Variants in CEP95 observed in about 807,000 individuals in gnomAD.
CEP95 encodes the protein centrosomal protein of 95 kDa.
CEP95 carries 98 observed loss-of-function variants against 111.2 expected under a neutral mutation model. The observed-to-expected ratio is 0.88, with a 90% CI of 0.75 to 1.04. The LOEUF (loss-of-function observed/expected upper bound fraction) is 1.04, where lower values mean the gene tolerates loss of function less well. Ranked by LOEUF, CEP95 falls within the 50% of genes least tolerant of loss-of-function variation. CEP95 has a pLI of 0.00. For synonymous variants in CEP95, 323 were observed against 327.1 expected, an observed-to-expected ratio of 0.99 and a Z score of 0.14; for missense variants, 1,027 against 977.2, an observed-to-expected ratio of 1.05 and a Z score of -0.68.
intron 8 of CEP95, 135 bp from the exon 9 acceptor site, chr17:64,525,635 T>G (rs1967752300): frequency 1.7e-6 from 1 of 575,554 alleles, no homozygotes; most frequent in East Asian, 3.2e-5. Flanking sequence ...TAGGGTCTTT[T>G]GACAAATGCA....
At chr17:64,517,048 CT>C (rs1202629097) in intron 5 of CEP95, among the ~76,000 whole-genome samples, 1 of 151,160 alleles carries the variant, frequency 6.6e-6, no homozygotes, top group African/African-American at 2.4e-5. Flanking sequence ...TTATATTTTT[CT>C]TTTTTTTTCT....
At chr17:64,523,281 T>C (rs1454431117) in intron 8 of CEP95, among the ~76,000 whole-genome samples, 1 of 152,164 alleles carries the variant, frequency 6.6e-6, no homozygotes, top group Non-Finnish European at 1.5e-5. Flanking sequence ...GTAGCTACTA[T>C]ATTTATTTAT....
rs1568134230 is a variant in CEP95 at position 64,519,385 on chromosome 17, G to A, written c.538G>A (p.Glu180Lys). 1.9e-6 allele frequency: 3 copies of A among 1,613,852 alleles called. No homozygotes were observed. The highest frequency in any genetic ancestry group is 1.6e-4 in the Middle Eastern group (1 of 6,062). Residue 180 changes from glutamate to lysine, a missense_variant, in exon 6 of 20, where the codon GAA becomes AAA. By Grantham distance (56) the Glu-to-Lys change is moderately conservative. Transcript: ENST00000556440. ...TGGAGATGAAGCAGAATCCACTGGT[G>A]AAATCATTAGACTTGGAGACACAGC... is the stretch of plus-strand genomic sequence containing the variant. ...WDGDEAESTG[E>K]IIRLGDTAHT... is the part of the protein sequence containing the mutation.
intron 5 of CEP95, among the ~76,000 whole-genome samples, chr17:64,518,184 G>A (rs564245187): frequency 1.3e-5 from 2 of 152,266 alleles, no homozygotes; most frequent in African/African-American, 2.4e-5. Context: ...GCCTCAAGTT[G>A]TTAAATTCTT....
intron 5 of CEP95, among the ~76,000 whole-genome samples, chr17:64,517,690 ATTTTTTTTT>A (rs782455302): frequency 4.0e-5 from 5 of 124,514 alleles, no homozygotes; most frequent in South Asian, 2.5e-4. Context: ...CACCTGGCTA[ATTTTTTTTT>A]TTTTTTTTTT....
At chr17:64,532,814 A>C in intron 14 of CEP95, 25 bp from the exon 15 acceptor site, 1 of 1,599,488 alleles carries the variant, frequency 6.3e-7, no homozygotes, top group Non-Finnish European at 8.5e-7. Context: ...GTCTCAGATT[A>C]AGAACATCTT....
intron 1 of CEP95, chr17:64,508,153 T>C: frequency 1.0e-6 from 1 of 985,456 alleles, no homozygotes. Context: ...GATAATTGGG[T>C]AAACACAAGA....
At chr17:64,524,508 G>GT (rs1339798611) in intron 8 of CEP95, among the ~76,000 whole-genome samples, 1 of 151,862 alleles carries the variant, frequency 6.6e-6, no homozygotes, top group Non-Finnish European at 1.5e-5. Context: ...TAGAGACGGG[G>GT]TTTTGCCATG....
At chr17:64,513,167 C>T (rs919216689) in intron 3 of CEP95, among the ~76,000 whole-genome samples, 1 of 152,176 alleles carries the variant, frequency 6.6e-6, no homozygotes, top group Non-Finnish European at 1.5e-5. Context: ...AAAACTCAAA[C>T]GTTGTCGTTA....
At chr17:64,536,850 G>A (rs2144558596) in intron 18 of CEP95, 102 bp downstream of exon 18, 3 of 1,382,514 alleles carry the variant, frequency 2.2e-6, no homozygotes, top group East Asian at 2.3e-5. Context: ...TGTGTTAACT[G>A]AAGTTTGCAC....
At chr17:64,522,663 G>C (rs1555678138) in intron 7 of CEP95, 39 bp from the exon 8 acceptor site, 1 of 1,468,806 alleles carries the variant, frequency 6.8e-7, no homozygotes, top group Non-Finnish European at 9.4e-7. Flanking sequence ...TTATTTCTTA[G>C]AATTGCATCG....
At chr17:64,509,750 T>G (rs545642387) in intron 2 of CEP95, among the ~76,000 whole-genome samples, 1 of 152,184 alleles carries the variant, frequency 6.6e-6, no homozygotes, top group African/African-American at 2.4e-5. Context: ...CTGCTGTGTT[T>G]TTTTTTTCTT....
intron 5 of CEP95, among the ~76,000 whole-genome samples, chr17:64,518,603 G>A (rs564105014): frequency 2.6e-5 from 4 of 152,240 alleles, no homozygotes; most frequent in East Asian, 1.9e-4. Flanking sequence ...TTCATGGTTC[G>A]AAGAGCACAG....
At chr17:64,509,040 C>A (rs8071264) in intron 2 of CEP95, among the ~76,000 whole-genome samples, 30,511 of 152,050 alleles carry the variant, frequency 0.2, 6,599 homozygotes, top group African/African-American at 0.54. Flanking sequence ...ATCATGGCTA[C>A]TGCCTTGTGA....
intron 8 of CEP95, among the ~76,000 whole-genome samples, chr17:64,524,755 G>A (rs1212476989): frequency 6.6e-6 from 1 of 150,656 alleles, no homozygotes; most frequent in Admixed American, 6.6e-5. Flanking sequence ...GGTGGATCAC[G>A]AGGTCAGGAG....
chr17:64,519,757 C>T (rs1967169721), intron 6 of CEP95, among the ~76,000 whole-genome samples: 1 of 152,180 alleles, frequency 6.6e-6, no homozygotes, highest in African/African-American at 2.4e-5. Flanking sequence ...GTTTCCTGAA[C>T]TGGTGGTTGA....
chr17:64,519,955 C>T (rs1312328078), intron 6 of CEP95, among the ~76,000 whole-genome samples: 3 of 152,204 alleles, frequency 2.0e-5, no homozygotes, highest in South Asian at 4.1e-4. Flanking sequence ...TCCACCGTGG[C>T]TTCATAAATT....
At chr17:64,530,883 G>A (rs782025783) in intron 12 of CEP95, 43 bp from the exon 13 acceptor site, 13 of 1,174,142 alleles carry the variant, frequency 1.1e-5, no homozygotes, top group Admixed American at 4.6e-5. Context: ...TGCCCGTTGT[G>A]TATGTTTTTA....
Position 64,514,315 on chromosome 17 carries a change from G to C in CEP95, c.324G>C (p.Leu108Phe). The C allele has an allele frequency of 6.6e-7, 1 of 1,523,194 alleles. No homozygotes were observed. Among genetic ancestry groups the C allele is most frequent in the East Asian group, 2.5e-5 (1 of 40,782 alleles). The allele number at this position is 1,523,194 out of a possible 1,614,324, so 94.4% of individuals were successfully genotyped here. ...KNLLEIFDGL[L>F]EYLTERISET... is the part of the protein sequence containing the mutation. ...TCCTGGAAATATTTGATGGTTTGTT[G>C]GAGTATCTTACAGAACGCATCAGTG... The change falls in exon 4 of 20, where the codon TTG becomes TTC. Residue 108 changes from leucine to phenylalanine, a missense_variant. Coordinates refer to ENST00000556440, the MANE Select transcript of CEP95 (RefSeq NM_138363.3).
Sources: allele counts gnomAD v4.1 joint callset (sites outside exome capture counted in the v4.1 genomes callset), GRCh38; gene constraint gnomAD v4.1.1; transcripts MANE v1.5; gene names NCBI Gene and HGNC (gene_info 2026-07-23, HGNC 2026-07-21).